ZBTB25: variants seen among roughly 807,000 people sequenced by gnomAD.
The protein encoded by ZBTB25 is zinc finger and BTB domain-containing protein 25.
ZBTB25 carries 20 observed loss-of-function variants against 34.2 expected under a neutral mutation model. That is an observed-to-expected ratio of 0.58 (90% CI 0.41 to 0.85). The LOEUF is 0.85. Ranked by LOEUF, ZBTB25 falls within the 40% of genes least tolerant of loss-of-function variation. The pLI, the probability that ZBTB25 is intolerant of heterozygous loss-of-function variation, is 0.00. For missense variants in ZBTB25, 437 were observed against 521.8 expected, an observed-to-expected ratio of 0.84 and a Z score of 1.58; for synonymous variants, 175 against 186.4, an observed-to-expected ratio of 0.94 and a Z score of 0.50.
chr14:64,500,821 T>G lies in ZBTB25; in HGVS notation c.-8+2840A>C, dbSNP rs142322910. On this transcript the variant is annotated intron_variant, in intron 1 of 2. Transcript: ENST00000608382. Reference sequence around the variant, plus strand: ...ATCCCAGCACTTTGGGAGGCCAAGGTGGGCGGATCACTTGAGGTCAGGAGT... The same window carrying G: ...ATCCCAGCACTTTGGGAGGCCAAGGGGGGCGGATCACTTGAGGTCAGGAGT... 2.2e-3 allele frequency among the ~76,000 whole-genome samples: 340 copies of G among 151,906 alleles called. 5 individuals are homozygous for G. Among genetic ancestry groups the G allele is most frequent in the East Asian group, 5.8e-3 (30 of 5,162 alleles).
chr14:64,486,086 T>C lies in ZBTB25; in HGVS notation c.*837A>G. ...AGGCCAAGGCGGGCAGATGACGAGG[T>C]CAGGAGATCGAGACCATCCTGGCTA... is the stretch of plus-strand genomic sequence containing the variant. On this transcript the variant is annotated 3_prime_UTR_variant, in exon 3 of 3. Transcript: ENST00000608382. 2.3e-6 allele frequency: 2 copies of C among 866,066 alleles called. No homozygotes were observed. The highest frequency in any genetic ancestry group is 2.8e-6 in the Non-Finnish European group (2 of 721,876). The allele number at this position is 866,066 out of a possible 1,614,324, so 53.6% of individuals were successfully genotyped here.
At chr14:64,475,634 A>G (rs2078712844), downstream of ZBTB25, among the ~76,000 whole-genome samples, 3 of 152,130 alleles carry the variant, frequency 2.0e-5, no homozygotes, top group South Asian at 6.2e-4. Flanking sequence ...GCTTAAGCTT[A>G]CTGGGGGTTA....
intron 2 of ZBTB25, chr14:64,467,257 C>G (rs2078621517): frequency 6.6e-6 from 1 of 152,200 alleles, no homozygotes; most frequent in Non-Finnish European, 1.5e-5. Flanking sequence ...GTAATCTCAG[C>G]CAAATTGCTT....
At chr14:64,497,176 ACAC>A (rs570419731) in intron 1 of ZBTB25, among the ~76,000 whole-genome samples, 3 of 152,000 alleles carry the variant, frequency 2.0e-5, no homozygotes, top group Non-Finnish European at 4.4e-5. Context: ...TAAAAAAAAA[ACAC>A]CAAGTACACA....
In ZBTB25 at chr14:64,486,419, A is replaced by C; in HGVS notation, c.*504T>G. The C allele has an allele frequency of 1.0e-6, 1 of 981,264 alleles. No individual in the cohort carries two copies. 60.8% of individuals were successfully genotyped at this position (981,264 alleles called of 1,614,324 possible). A position where few individuals can be genotyped will look rare whatever the true frequency, so the allele number is the denominator to read the frequency against. On this transcript the variant is annotated 3_prime_UTR_variant, in exon 3 of 3. Transcript: ENST00000608382. ...TCATGATTTGGTATATCTTAAAATA[A>C]ATTTTTATACATTATAACATATGTA...
chr14:64,493,210 A>G (rs1479955028), intron 1 of ZBTB25, among the ~76,000 whole-genome samples: 1 of 152,242 alleles, frequency 6.6e-6, no homozygotes, highest in Non-Finnish European at 1.5e-5. Flanking sequence ...TAAGAACAGC[A>G]TGATCAGTTA....
chr14:64,492,135 A>AAAAAAAAAAAAG (rs2079102860), intron 1 of ZBTB25, among the ~76,000 whole-genome samples: 1 of 150,862 alleles, frequency 6.6e-6, no homozygotes, highest in Non-Finnish European at 1.5e-5. Context: ...AAAAAAAAAA[A>AAAAAAAAAAAAG]AAAAGGCAGA....
At chr14:64,503,294 G>T in intron 1 of ZBTB25, 1 of 985,450 alleles carries the variant, frequency 1.0e-6, no homozygotes, top group Non-Finnish European at 1.2e-6. Context: ...CTCGTAAGAG[G>T]GGTCGGCGCT....
chr14:64,456,408 C>T (rs2078474624), intron 2 of ZBTB25, among the ~76,000 whole-genome samples: 1 of 152,124 alleles, frequency 6.6e-6, no homozygotes, highest in South Asian at 2.1e-4. Context: ...ATTTTCAGAA[C>T]TTTATATCTA....
At chr14:64,503,505 C>G in intron 1 of ZBTB25, 156 bp downstream of exon 1, 1 of 985,398 alleles carries the variant, frequency 1.0e-6, no homozygotes, top group Non-Finnish European at 1.2e-6. Context: ...CCTCCTGTGC[C>G]CTGCCTGACA....
intron 2 of ZBTB25, among the ~76,000 whole-genome samples, chr14:64,453,190 GTGTATA>G (rs937503504): frequency 2.6e-5 from 4 of 152,020 alleles, no homozygotes; most frequent in Non-Finnish European, 4.4e-5. Flanking sequence ...ATATGTATGT[GTGTATA>G]TGTATATCTG....
chr14:64,461,075 T>C (rs2078549322), intron 2 of ZBTB25: 1 of 152,110 alleles, frequency 6.6e-6, no homozygotes, highest in Non-Finnish European at 1.5e-5. Context: ...TTATCTTCTA[T>C]CTCTGTTCTT....
chr14:64,449,546 G>T, exon 3 of ZBTB25: 1 of 1,614,142 alleles, frequency 6.2e-7, no homozygotes, highest in Middle Eastern at 1.7e-4. Flanking sequence ...GGGGGCAAGG[G>T]TGCCTTAGCC....
intron 2 of ZBTB25, chr14:64,469,630 TAATGA>T: frequency 6.2e-7 from 1 of 1,607,196 alleles, no homozygotes; most frequent in Non-Finnish European, 8.5e-7. Context: ...AACAGCTGGT[TAATGA>T]AATGGCCTCT....
At chr14:64,468,621 G>C (rs555999227) in intron 2 of ZBTB25, 4 of 1,613,824 alleles carry the variant, frequency 2.5e-6, no homozygotes, top group South Asian at 2.2e-5. Context: ...GAGCCCACAC[G>C]GGGGGCCTGG....
Position 64,479,609 on chromosome 14 carries a change from A to C in ZBTB25, c.*7314T>G, listed in dbSNP as rs977267439. 3 of 152,226 alleles carry C rather than the reference A, an allele frequency of 2.0e-5. No homozygotes were observed. Among genetic ancestry groups the C allele is most frequent in the African/African-American group, 7.2e-5 (3 of 41,460 alleles). The allele number at this position is 152,226 out of a possible 1,614,324, so 9.4% of individuals were successfully genotyped here. A position where few individuals can be genotyped will look rare whatever the true frequency, so the allele number is the denominator to read the frequency against. On this transcript the variant is annotated 3_prime_UTR_variant, in exon 3 of 3. Coordinates refer to ENST00000608382, the MANE Select transcript of ZBTB25 (RefSeq NM_006977.5). ...GGGTGGCTCTCATTCCATCAGTTGAAGGCCAGAATATAATAAAAAAAGAGA... is the reference window on the plus strand; with the variant it reads ...GGGTGGCTCTCATTCCATCAGTTGACGGCCAGAATATAATAAAAAAAGAGA...
Position 64,481,334 on chromosome 14 carries a change from G to A in ZBTB25, c.*5589C>T. The A allele has an allele frequency of 6.6e-6, 1 of 152,422 alleles. No individual in the cohort carries two copies. The highest frequency in any genetic ancestry group is 1.5e-5 in the Non-Finnish European group (1 of 68,094). The allele number at this position is 152,422 out of a possible 1,614,324, so 9.4% of individuals were successfully genotyped here. A position where few individuals can be genotyped will look rare whatever the true frequency, so the allele number is the denominator to read the frequency against. Reference sequence around the variant, plus strand: ...TGGGATTACAGGCATGAGGCACCATGCCCGGCAGATACACAACTTTCTAAA... The same window carrying A: ...TGGGATTACAGGCATGAGGCACCATACCCGGCAGATACACAACTTTCTAAA... On this transcript the variant is annotated 3_prime_UTR_variant, in exon 3 of 3. Coordinates refer to ENST00000608382, the MANE Select transcript of ZBTB25 (RefSeq NM_006977.5).
rs534294478 is a variant in ZBTB25 at position 64,453,527 on chromosome 14, C to T, written c.174-3889G>A. Among the ~76,000 whole-genome samples the T allele has an allele frequency of 4.6e-5, 7 of 152,180 alleles. No homozygotes were observed. In the East Asian group the frequency reaches 5.8e-4, roughly 13 times the overall value. ...CAGGGGTTACAGTGAACTGAGATCG[C>T]GCCATTGCACTCCAGCCTGGCAACA... On this transcript the variant is annotated intron_variant, in intron 2 of 2. Coordinates refer to the ZBTB25 transcript ENST00000555220.
intron 2 of ZBTB25, among the ~76,000 whole-genome samples, chr14:64,451,013 C>T (rs1344408942): frequency 4.6e-5 from 7 of 151,948 alleles, no homozygotes; most frequent in African/African-American, 1.7e-4. Flanking sequence ...ACTAAAAATA[C>T]AAAAAATTAG....
Sources: allele counts gnomAD v4.1 joint callset (sites outside exome capture counted in the v4.1 genomes callset), GRCh38; gene constraint gnomAD v4.1.1; transcripts MANE v1.5; gene names NCBI Gene and HGNC (gene_info 2026-07-23, HGNC 2026-07-21).